The following PIK3R5 variants were observed in gnomAD, a reference collection of about 807,000 sequenced individuals.
PIK3R5 encodes phosphoinositide 3-kinase regulatory subunit 5.
Under a neutral mutation model 94.9 loss-of-function variants are expected in PIK3R5, and 32 were observed. The observed-to-expected ratio is 0.34, with a 90% CI of 0.25 to 0.45. PIK3R5 has a LOEUF of 0.45. PIK3R5 is among the 20% of genes least tolerant of loss of function. The pLI is 1.00. For synonymous variants in PIK3R5, 443 were observed against 479.4 expected (o/e 0.92, Z 0.99); for missense variants, 853 against 1,144.6 (o/e 0.75, Z 3.68).
Position 8,879,794 on chromosome 17 carries a change from G to A in PIK3R5, c.*845C>T, listed in dbSNP as rs1275070312. On this transcript the variant is annotated 3_prime_UTR_variant, in exon 19 of 19. Transcript: ENST00000447110. The surrounding 1 kb of genome is among the most constrained non-coding windows in gnomAD (Gnocchi z 4.4). ...ACACCTACTGGGAGCTCGGCACTGG[G>A]CTAGGTGCTTTGCAGACAATTTAAC... 6.6e-6 allele frequency: 1 copy of A among 152,208 alleles called. No individual in the cohort carries two copies. Among genetic ancestry groups the A allele is most frequent in the Non-Finnish European group, 1.5e-5 (1 of 68,042 alleles). The allele number at this position is 152,208 out of a possible 1,614,324, so 9.4% of individuals were successfully genotyped here. A position where few individuals can be genotyped will look rare whatever the true frequency, so the allele number is the denominator to read the frequency against.
At chr17:8,938,394 T>G (rs925181165) in intron 1 of PIK3R5, among the ~76,000 whole-genome samples, 1 of 152,228 alleles carries the variant, frequency 6.6e-6, no homozygotes, top group African/African-American at 2.4e-5. Flanking sequence ...GTAATTCATG[T>G]AACGTAAACT....
intron 1 of PIK3R5, among the ~76,000 whole-genome samples, chr17:8,963,920 C>T (rs2091611834): frequency 6.6e-6 from 1 of 152,082 alleles, no homozygotes; most frequent in African/African-American, 2.4e-5. Context: ...GGGAGGGAGC[C>T]CTGAAGCAAG....
Position 8,909,485 on chromosome 17 carries a change from C to G in PIK3R5, c.104-311G>C, listed in dbSNP as rs929957004. Among the ~76,000 whole-genome samples the G allele has an allele frequency of 2.0e-5, 3 of 152,164 alleles. No homozygotes were observed. Among genetic ancestry groups the G allele is most frequent in the Non-Finnish European group, 4.4e-5 (3 of 68,038 alleles). On this transcript the variant is annotated intron_variant, in intron 2 of 18. Transcript: ENST00000447110. This position sits in a 1 kb window ranked among gnomAD's most constrained non-coding sequence, Gnocchi z 4.3. ...TTGTATTTTAGTAGAGATGGGGTTT[C>G]ACCATGTTGGCCAAGATGGTCTCGA...
Position 8,911,593 on chromosome 17 carries a change from T to C in PIK3R5, c.-13-86A>G. 1 of 847,898 alleles carries C rather than the reference T, an allele frequency of 1.2e-6. No homozygotes were observed. Among genetic ancestry groups the C allele is most frequent in the South Asian group, 1.6e-5 (1 of 62,946 alleles). The allele number at this position is 847,898 out of a possible 1,614,324, so 52.5% of individuals were successfully genotyped here. Reference sequence around the variant, plus strand: ...CAGTAAAGACAACAGGTGCTCACAGTGCAGCGCGATCAGCCCAGCCCAGCT... The same window carrying C: ...CAGTAAAGACAACAGGTGCTCACAGCGCAGCGCGATCAGCCCAGCCCAGCT... On this transcript the variant is annotated intron_variant, in intron 1 of 18. Coordinates refer to ENST00000447110, the MANE Select transcript of PIK3R5 (RefSeq NM_001142633.3). This position sits in a 1 kb window ranked among gnomAD's most constrained non-coding sequence, Gnocchi z 5.3.
chr17:8,889,532 G>A lies in PIK3R5; in HGVS notation c.812-310C>T, dbSNP rs1415084299. Among the ~76,000 whole-genome samples the A allele has an allele frequency of 1.3e-5, 2 of 152,160 alleles. No individual in the cohort carries two copies. The highest frequency in any genetic ancestry group is 2.9e-5 in the Non-Finnish European group (2 of 68,016). ...TAGTACTAGCCCAGAAGGTTTTTAT[G>A]AGGAATATTGTAACAGGGAATGCTA... is the stretch of plus-strand genomic sequence containing the variant. On this transcript the variant is annotated intron_variant, in intron 8 of 18. Transcript: ENST00000447110. This position sits in a 1 kb window ranked among gnomAD's most constrained non-coding sequence, Gnocchi z 4.1.
chr17:8,887,474 G>C, intron 11 of PIK3R5, 47 bp downstream of exon 11: 1 of 1,553,140 alleles, frequency 6.4e-7, no homozygotes, highest in Non-Finnish European at 8.7e-7. Flanking sequence ...CCTTCAGGTA[G>C]CCAGAACTCT....
At chr17:8,906,708 C>A (rs1308902844) in intron 3 of PIK3R5, among the ~76,000 whole-genome samples, 3 of 152,016 alleles carry the variant, frequency 2.0e-5, no homozygotes, top group Non-Finnish European at 4.4e-5. Context: ...CATGGCAAAA[C>A]CCCATCTGTA....
chr17:8,905,628 C>A (rs201972765), intron 4 of PIK3R5, 41 bp downstream of exon 4: 7 of 1,504,042 alleles, frequency 4.7e-6, no homozygotes, highest in East Asian at 2.4e-5. Flanking sequence ...GCTCCTCCCC[C>A]TCCTCCCTCA....
chr17:8,911,484 C>A lies in PIK3R5; in HGVS notation c.11G>T (p.Gly4Val). The A allele has an allele frequency of 6.3e-7, 1 of 1,599,358 alleles. No individual in the cohort carries two copies. Among genetic ancestry groups the A allele is most frequent in the Admixed American group, 1.7e-5 (1 of 59,996 alleles). Reference protein sequence around the residue: MQPGATTCTEDRIQ... With the variant: MQPVATTCTEDRIQ... ...GCGGTCCTCCGTGCATGTCGTGGCC[C>A]CTGGCTGCATCCTGGGTCATCGCCT... is the stretch of plus-strand genomic sequence containing the variant. Residue 4 changes from glycine to valine, a missense_variant, in exon 2 of 19, where the codon GGG becomes GTG. Physicochemically the swap from Gly to Val is moderately radical, Grantham distance 109. Around this residue, in one of 6 missense-constraint regions of PIK3R5, gnomAD observed 108 missense variants for 170.1 expected, o/e 0.63. Transcript: ENST00000447110. The surrounding 1 kb of genome is among the most constrained non-coding windows in gnomAD (Gnocchi z 5.3).
rs1311097926 is a variant in PIK3R5, at chr17:8,888,737, G to A, written c.1050C>T (p.Ser350=). 2 of 1,613,726 alleles carry A rather than the reference G, an allele frequency of 1.2e-6. No individual in the cohort carries two copies. Among genetic ancestry groups the A allele is most frequent in the African/African-American group, 1.3e-5 (1 of 75,070 alleles). ...AGGTGGAGTCATGGGACGCCAAAGA[G>A]CTGGTGGAGAGCAGGGAATCTCTCT... The part of the protein sequence containing the change: ...CAERDSLLST[S]SLASHDSTLS... The change falls in exon 10 of 19, where the codon AGC becomes AGT. Residue 350 remains serine, a synonymous_variant. Transcript: ENST00000447110. The surrounding 1 kb of genome is among the most constrained non-coding windows in gnomAD (Gnocchi z 7.8).
rs978628360 is a variant in PIK3R5 at position 8,893,831 on chromosome 17, A to G, written c.413-176T>C. 2.6e-5 allele frequency: 15 copies of G among 569,060 alleles called. No individual in the cohort carries two copies. In the African/African-American group the frequency reaches 2.8e-4, roughly 11 times the overall value. 35.3% of individuals were successfully genotyped at this position (569,060 alleles called of 1,614,324 possible). On this transcript the variant is annotated intron_variant, in intron 5 of 18. Transcript: ENST00000447110. The surrounding 1 kb of genome is among the most constrained non-coding windows in gnomAD (Gnocchi z 5.1). ...CCAGGGTGCCTAGCAGTTTGCTTCT[A>G]TGCGTCCTTTTACACCTCACGAGTC...
chr17:8,889,131 C>A lies in PIK3R5; in HGVS notation c.895+8G>T. On this transcript the variant is annotated splice_region_variant and intron_variant, in intron 9 of 18. Coordinates refer to ENST00000447110, the MANE Select transcript of PIK3R5 (RefSeq NM_001142633.3). This position sits in a 1 kb window ranked among gnomAD's most constrained non-coding sequence, Gnocchi z 4.1. ...GGCATGGGTGTCACCAGGGCCCCGGCTCCTTACCAAAGCTGTCCTGGCTCC... is the reference window on the plus strand; with the variant it reads ...GGCATGGGTGTCACCAGGGCCCCGGATCCTTACCAAAGCTGTCCTGGCTCC... 2.5e-6 allele frequency: 4 copies of A among 1,612,740 alleles called. No individual in the cohort carries two copies. The highest frequency in any genetic ancestry group is 2.5e-6 in the Non-Finnish European group (3 of 1,179,236).
intron 5 of PIK3R5, among the ~76,000 whole-genome samples, chr17:8,897,974 G>T (rs1469862223): frequency 1.3e-5 from 2 of 152,054 alleles, no homozygotes; most frequent in Non-Finnish European, 2.9e-5. Context: ...GTGTGTAAAA[G>T]AAAAATAGCC....
chr17:8,887,418 G>A (rs1316886271), intron 11 of PIK3R5, 103 bp downstream of exon 11: 9 of 1,363,976 alleles, frequency 6.6e-6, no homozygotes, highest in Non-Finnish European at 8.0e-6. Context: ...AGGGGGAGGT[G>A]CCCTGTCAAC....
At chr17:8,931,247 A>G (rs1450514539) in intron 1 of PIK3R5, among the ~76,000 whole-genome samples, 2 of 152,200 alleles carry the variant, frequency 1.3e-5, no homozygotes, top group Non-Finnish European at 2.9e-5. Context: ...TTAAAATCCC[A>G]CAGATCATAC....
At chr17:8,959,769 A>G (rs1011347835) in intron 1 of PIK3R5, among the ~76,000 whole-genome samples, 1 of 152,216 alleles carries the variant, frequency 6.6e-6, no homozygotes, top group African/African-American at 2.4e-5. Context: ...GAAGAAGGAT[A>G]TGGGAGCTGG....
chr17:8,886,701 A>C, intron 12 of PIK3R5, 96 bp from the exon 13 acceptor site: 1 of 1,357,022 alleles, frequency 7.4e-7, no homozygotes, highest in Non-Finnish European at 1.0e-6. Flanking sequence ...AGAGAGACAT[A>C]GAGGCAGCCA....
At chr17:8,957,359 TTC>T (rs1242016060) in intron 1 of PIK3R5, among the ~76,000 whole-genome samples, 1 of 152,196 alleles carries the variant, frequency 6.6e-6, no homozygotes, top group Non-Finnish European at 1.5e-5. Context: ...ACAATTTTCC[TTC>T]TGTCATCCCT....
chr17:8,884,948 C>T lies in PIK3R5; in HGVS notation c.2129-165G>A, dbSNP rs1424405837. ...GGCCCTGCCTCTCTCTCTGGCTCCA[C>T]GTTCTGGGGATCTCCACCTCCTCAG... On this transcript the variant is annotated intron_variant, in intron 14 of 18. Transcript: ENST00000447110. This position sits in a 1 kb window ranked among gnomAD's most constrained non-coding sequence, Gnocchi z 5.8. 3.2e-6 allele frequency: 2 copies of T among 619,196 alleles called. No homozygotes were observed. The highest frequency in any genetic ancestry group is 5.8e-6 in the Non-Finnish European group (2 of 343,596). The allele number at this position is 619,196 out of a possible 1,614,324, so 38.4% of individuals were successfully genotyped here.
Sources: allele counts gnomAD v4.1 joint callset (sites outside exome capture counted in the v4.1 genomes callset), GRCh38; gene constraint gnomAD v4.1.1; regional missense constraint gnomAD v4.1.1; non-coding constraint Gnocchi (gnomAD v3.1); transcripts MANE v1.5; gene names NCBI Gene and HGNC (gene_info 2026-07-23, HGNC 2026-07-21).